Variants in TMEM178B observed in about 807,000 individuals in gnomAD.
TMEM178B encodes transmembrane protein 178B.
Under a neutral mutation model 31.0 loss-of-function variants are expected in TMEM178B, and 5 were observed. That is an observed-to-expected ratio of 0.16 (90% confidence interval 0.08 to 0.34). TMEM178B has a LOEUF of 0.34. Ranked by LOEUF, TMEM178B falls within the 10% of genes least tolerant of loss-of-function variation. The pLI is 1.00. For missense variants in TMEM178B, 275 were observed against 400.3 expected (o/e 0.69, Z 2.67); for synonymous variants, 164 against 164.0 (o/e 1.00, Z 0.00).
chr7:141,136,681 A>G (rs1332912313), intron 1 of TMEM178B, among the ~76,000 whole-genome samples: 1 of 151,894 alleles, frequency 6.6e-6, no homozygotes, highest in African/African-American at 2.4e-5. Context: ...ACAGAAAAAC[A>G]AAACAAAACA....
intron 1 of TMEM178B, among the ~76,000 whole-genome samples, chr7:141,188,493 C>A (rs191408544): frequency 2.6e-5 from 4 of 152,312 alleles, no homozygotes; most frequent in African/African-American, 9.6e-5. Flanking sequence ...TAGGACGAAA[C>A]TGAGTCAGCA....
At chr7:141,305,497 G>A (rs193198224) in intron 2 of TMEM178B, among the ~76,000 whole-genome samples, 17 of 151,526 alleles carry the variant, frequency 1.1e-4, no homozygotes, top group East Asian at 7.8e-4. Flanking sequence ...GTGCGATCTC[G>A]GCTCACTTCA....
intron 2 of TMEM178B, among the ~76,000 whole-genome samples, chr7:141,265,523 G>A (rs1164101502): frequency 2.0e-5 from 3 of 152,170 alleles, no homozygotes; most frequent in Non-Finnish European, 1.5e-5. Context: ...ATAGGAATAG[G>A]CAGTGTTGGA....
chr7:141,488,674 G>A, the TMEM178B span, among the ~76,000 whole-genome samples: 2 of 152,098 alleles, frequency 1.3e-5, no homozygotes, highest in East Asian at 1.9e-4. Context: ...TCTTGAGCTC[G>A]TGATCTGCCT....
At chr7:141,108,866 G>C (rs1046628601) in intron 1 of TMEM178B, among the ~76,000 whole-genome samples, 2 of 152,132 alleles carry the variant, frequency 1.3e-5, no homozygotes, top group African/African-American at 4.8e-5. Flanking sequence ...CCTGAGACTT[G>C]GCAATTTACA....
intron 2 of TMEM178B, among the ~76,000 whole-genome samples, chr7:141,261,366 G>C (rs1051791428): frequency 2.0e-5 from 3 of 151,740 alleles, no homozygotes; most frequent in Non-Finnish European, 4.4e-5. Flanking sequence ...CCCTTAAATT[G>C]GTTGAAATCT....
intron 2 of TMEM178B, among the ~76,000 whole-genome samples, chr7:141,358,646 T>C (rs1799864391): frequency 1.3e-5 from 2 of 152,058 alleles, no homozygotes; most frequent in Non-Finnish European, 2.9e-5. Context: ...TCCCAACTTT[T>C]CTTAATGACT....
At chr7:141,438,875 C>CA (rs764682650) in intron 3 of TMEM178B, among the ~76,000 whole-genome samples, 4 of 132,800 alleles carry the variant, frequency 3.0e-5, no homozygotes, top group South Asian at 2.4e-4. Context: ...GATTCCGTCT[C>CA]AAAAAAAAAG....
intron 2 of TMEM178B, among the ~76,000 whole-genome samples, chr7:141,285,177 T>C (rs217009): frequency 0.079 from 11,003 of 139,512 alleles, 660 homozygotes; most frequent in African/African-American, 0.16. Context: ...TTTTTTTTTT[T>C]TGAGACGTAG....
intron 2 of TMEM178B, among the ~76,000 whole-genome samples, chr7:141,228,423 T>A (rs1004697654): frequency 6.6e-6 from 1 of 151,568 alleles, no homozygotes; most frequent in Non-Finnish European, 1.5e-5. Flanking sequence ...CATCTAGGGG[T>A]CATGAAGGGG....
chr7:141,436,709 G>A (rs957758793), intron 2 of TMEM178B, among the ~76,000 whole-genome samples: 1 of 152,082 alleles, frequency 6.6e-6, no homozygotes, highest in African/African-American at 2.4e-5. Flanking sequence ...CGTGCAGGAG[G>A]GCAGGGGTGG....
chr7:141,334,446 A>G (rs548793429), intron 2 of TMEM178B, among the ~76,000 whole-genome samples: 1 of 152,314 alleles, frequency 6.6e-6, no homozygotes, highest in African/African-American at 2.4e-5. Context: ...GCTATTATTA[A>G]TGGCTGTTGT....
At chr7:141,491,932 C>T in the TMEM178B span, among the ~76,000 whole-genome samples, 1 of 152,180 alleles carries the variant, frequency 6.6e-6, no homozygotes, top group Non-Finnish European at 1.5e-5. Flanking sequence ...CCACACCCTC[C>T]CATTCAGTCT....
At chr7:141,292,658 G>A (rs1392811879) in intron 2 of TMEM178B, among the ~76,000 whole-genome samples, 3 of 74,140 alleles carry the variant, frequency 4.0e-5, no homozygotes, top group Non-Finnish European at 8.2e-5. Flanking sequence ...TTTTTTTTGA[G>A]ATGGAGTCTC....
intron 1 of TMEM178B, among the ~76,000 whole-genome samples, chr7:141,149,512 C>T (rs1448712799): frequency 6.6e-6 from 1 of 152,170 alleles, no homozygotes; most frequent in Non-Finnish European, 1.5e-5. Context: ...CGTGCCACTG[C>T]ACTCCAGCCT....
At chr7:141,164,908 G>A (rs1223589610) in intron 1 of TMEM178B, among the ~76,000 whole-genome samples, 1 of 152,230 alleles carries the variant, frequency 6.6e-6, no homozygotes, top group Non-Finnish European at 1.5e-5. Context: ...TGGGGTTCCA[G>A]CATCACCATC....
chr7:141,423,555 G>T (rs1281097517), intron 2 of TMEM178B, among the ~76,000 whole-genome samples: 1 of 152,120 alleles, frequency 6.6e-6, no homozygotes, highest in Non-Finnish European at 1.5e-5. Flanking sequence ...GAGGAGGAGG[G>T]GGCTTGCCAT....
chr7:141,345,426 T>C (rs961573682), intron 2 of TMEM178B, among the ~76,000 whole-genome samples: 1 of 152,188 alleles, frequency 6.6e-6, no homozygotes, highest in African/African-American at 2.4e-5. Context: ...TCTGCCTTGA[T>C]TTTGTTTTGG....
chr7:141,405,677 C>G (rs562673506), intron 2 of TMEM178B, among the ~76,000 whole-genome samples: 41 of 152,348 alleles, frequency 2.7e-4, no homozygotes, highest in Admixed American at 2.3e-3. Context: ...GCACCTGTTC[C>G]TCTTCCCAGA....
Sources: gnomAD v4.1 joint callset for allele counts (sites outside exome capture counted in the v4.1 genomes callset) on GRCh38, gnomAD v4.1.1 for gene constraint, MANE v1.5 for transcripts, NCBI Gene and HGNC (gene_info 2026-07-23, HGNC 2026-07-21) for gene names.